Variants in ZNF487 observed in about 807,000 individuals in gnomAD.
ZNF487 encodes the protein KRAB domain only 1.
A neutral mutation model predicts 3.0 loss-of-function variants in ZNF487; 4 were observed. That is an observed-to-expected ratio of 1.35 (90% CI 0.66 to 3.08). The LOEUF (loss-of-function observed/expected upper bound fraction) is 3.08. Ranked by LOEUF, ZNF487 falls within the 30% of genes most tolerant of loss-of-function variation. The pLI is 0.01. For synonymous variants in ZNF487, 55 were observed against 34.6 expected (o/e 1.59, Z -2.06); for missense variants, 146 against 98.7 (o/e 1.48, Z -2.03).
intron 1 of ZNF487, among the ~76,000 whole-genome samples, chr10:43,455,809 G>A (rs1333741439): frequency 6.6e-6 from 1 of 152,244 alleles, no homozygotes; most frequent in African/African-American, 2.4e-5. Context: ...CTGGCAGCCG[G>A]CCTTAGCGGC....
intron 1 of ZNF487, among the ~76,000 whole-genome samples, chr10:43,445,089 T>C (rs1488096187): frequency 1.3e-5 from 2 of 152,152 alleles, no homozygotes; most frequent in African/African-American, 4.8e-5. Context: ...TCTTCTGTAA[T>C]GTCTAATCTG....
At chr10:43,436,906 C>G (rs1282840266), upstream of ZNF487, 4 of 469,228 alleles carry the variant, frequency 8.5e-6, no homozygotes, top group Non-Finnish European at 1.8e-5. Context: ...GGAAGCCGGA[C>G]TGCGCCGTGT....
At chr10:43,498,600 T>C in the ZNF487 span, among the ~76,000 whole-genome samples, 2 of 151,238 alleles carry the variant, frequency 1.3e-5, no homozygotes, top group East Asian at 2.0e-4. Flanking sequence ...ATTTATTGAG[T>C]TGGCGAAAAA....
At chr10:43,476,860 T>C (rs1195034312) in intron 3 of ZNF487, among the ~76,000 whole-genome samples, 2 of 152,114 alleles carry the variant, frequency 1.3e-5, no homozygotes, top group Admixed American at 6.6e-5. Flanking sequence ...TGCCGATATA[T>C]TCGGAAGTTG....
the ZNF487 span, among the ~76,000 whole-genome samples, chr10:43,499,948 G>A: frequency 3.3e-5 from 5 of 151,962 alleles, no homozygotes; most frequent in African/African-American, 9.7e-5. Context: ...CAATGGTGCG[G>A]TCTCGGTTCA....
chr10:43,446,709 A>T (rs1016112051), intron 1 of ZNF487, among the ~76,000 whole-genome samples: 7 of 147,140 alleles, frequency 4.8e-5, no homozygotes, highest in Non-Finnish European at 7.5e-5. Context: ...CACTTCCCAG[A>T]CTGGGCTGCC....
At chr10:43,476,880 C>T (rs1357534832) in intron 3 of ZNF487, among the ~76,000 whole-genome samples, 1 of 152,108 alleles carries the variant, frequency 6.6e-6, no homozygotes, top group African/African-American at 2.4e-5. Flanking sequence ...GTAGCCAAAA[C>T]AGAATTTGCT....
chr10:43,490,500 CTTTTTTTTT>C, the ZNF487 span, among the ~76,000 whole-genome samples: 12 of 39,160 alleles, frequency 3.1e-4, no homozygotes, highest in East Asian at 2.4e-3. Context: ...AGTAGCTCTA[CTTTTTTTTT>C]TTTTTTTTTT....
rs1279511323 is a variant in ZNF487 at position 43,476,099 on chromosome 10, A to G, written c.35-8A>G. 1.4e-5 allele frequency: 10 copies of G among 717,188 alleles called. No individual in the cohort carries two copies. The highest frequency in any genetic ancestry group is 2.6e-6 in the Non-Finnish European group (1 of 385,030). 44.4% of individuals were successfully genotyped at this position (717,188 alleles called of 1,614,324 possible). A position where few individuals can be genotyped will look rare whatever the true frequency, so the allele number is the denominator to read the frequency against. On this transcript the variant is annotated splice_region_variant and splice_polypyrimidine_tract_variant and intron_variant, in intron 2 of 3. Transcript: ENST00000437590. ...CTGGCCCACGTCCTGTGTCATTTTC[A>G]TTCACAGGATATTGCATTACCAAAC...
At chr10:43,520,674 T>C in the ZNF487 span, among the ~76,000 whole-genome samples, 6 of 152,240 alleles carry the variant, frequency 3.9e-5, no homozygotes, top group Non-Finnish European at 7.3e-5. Flanking sequence ...TCACCACCTT[T>C]TAACTGTAAA....
chr10:43,457,895 G>A (rs1224629735), intron 1 of ZNF487, among the ~76,000 whole-genome samples: 1 of 151,634 alleles, frequency 6.6e-6, no homozygotes, highest in Non-Finnish European at 1.5e-5. Flanking sequence ...GGTGGCGGGC[G>A]CCTGTAGTCC....
chr10:43,464,902 G>T (rs897278684), intron 1 of ZNF487, among the ~76,000 whole-genome samples: 10 of 152,296 alleles, frequency 6.6e-5, no homozygotes, highest in African/African-American at 2.4e-4. Flanking sequence ...CCCAGACGGG[G>T]TGGTGGCCGG....
intron 1 of ZNF487, among the ~76,000 whole-genome samples, chr10:43,442,076 T>A (rs962191514): frequency 6.6e-6 from 1 of 152,048 alleles, no homozygotes; most frequent in African/African-American, 2.4e-5. Flanking sequence ...AATTTTAAAT[T>A]TAGCTGGATG....
chr10:43,456,801 G>A (rs1840221118), intron 1 of ZNF487, among the ~76,000 whole-genome samples: 1 of 152,118 alleles, frequency 6.6e-6, no homozygotes, highest in Non-Finnish European at 1.5e-5. Flanking sequence ...GGCTGGTCTT[G>A]AACTCCTGAC....
intron 1 of ZNF487, among the ~76,000 whole-genome samples, chr10:43,455,882 C>T (rs1404135007): frequency 6.6e-6 from 1 of 152,228 alleles, no homozygotes; most frequent in Non-Finnish European, 1.5e-5. Context: ...ACGCTTCGCG[C>T]TCCAGGAAGG....
chr10:43,518,774 A>G, the ZNF487 span, among the ~76,000 whole-genome samples: 2 of 152,116 alleles, frequency 1.3e-5, no homozygotes, highest in African/African-American at 4.8e-5. Context: ...TCTTACAGCA[A>G]TTCTCTCAAA....
chr10:43,437,621 TTTTAG>T (rs1839434922), intron 1 of ZNF487, among the ~76,000 whole-genome samples: 1 of 152,214 alleles, frequency 6.6e-6, no homozygotes, highest in South Asian at 2.1e-4. Context: ...AAGAGGCTCT[TTTTAG>T]TTTATTTTTT....
At chr10:43,485,754 G>A (rs772778962), downstream of ZNF487, among the ~76,000 whole-genome samples, 25 of 152,230 alleles carry the variant, frequency 1.6e-4, 1 homozygote, top group Non-Finnish European at 2.1e-4. Context: ...GTTGCCACAT[G>A]TGGCTAGTGG....
In ZNF487 at chr10:43,445,757, G is replaced by C. The variant is rs1410313466; in HGVS notation, c.-94+8495G>C. 2.0e-5 allele frequency among the ~76,000 whole-genome samples: 3 copies of C among 152,088 alleles called. No homozygotes were observed. The East Asian group carries it at 5.8e-4, about 29-fold the overall frequency. On this transcript the variant is annotated intron_variant, in intron 1 of 3. Transcript: ENST00000437590. ...GATTTGGCAGGGTCATAGGACAATA[G>C]AGGAGAGAAGTTCAGCAGATAAACA...
Sources: allele counts gnomAD v4.1 joint callset (sites outside exome capture counted in the v4.1 genomes callset), GRCh38; gene constraint gnomAD v4.1.1; transcripts MANE v1.5; gene names NCBI Gene and HGNC (gene_info 2026-07-23, HGNC 2026-07-21).